Variants in DSE observed in about 807,000 individuals in gnomAD.
DSE encodes dermatan sulfate epimerase, also known as dermatan-sulfate epimerase.
In DSE, 36 loss-of-function variants were observed where a neutral mutation model predicts 84.4. That is an observed-to-expected ratio of 0.43 (90% CI 0.33 to 0.56). The LOEUF is 0.56. Ranked by LOEUF, DSE falls within the 20% of genes least tolerant of loss-of-function variation. DSE has a pLI of 0.06. For missense variants in DSE, 862 were observed against 1,169.6 expected, an observed-to-expected ratio of 0.74 and a Z score of 3.84; for synonymous variants, 410 against 430.1, an observed-to-expected ratio of 0.95 and a Z score of 0.58.
intron 2 of DSE, among the ~76,000 whole-genome samples, chr6:116,363,995 G>A (rs1779039198): frequency 6.6e-6 from 1 of 152,202 alleles, no homozygotes; most frequent in Non-Finnish European, 1.5e-5. Context: ...CAGGAGGCTT[G>A]ACTTCTCCTT....
Position 116,321,909 on chromosome 6 carries a change from G to T in DSE, c.-54+62942G>T, listed in dbSNP as rs140705601. On this transcript the variant is annotated intron_variant, in intron 2 of 3. Transcript: ENST00000430252. ...TCTAGTACCTGACAATCAACATGCC[G>T]CAATTTTTTCACATGATAGTGTAGC... Among the ~76,000 whole-genome samples the T allele has an allele frequency of 7.0e-3, 1,066 of 152,108 alleles. 22 individuals carry two copies. Among genetic ancestry groups the T allele is most frequent in the South Asian group, 0.056 (271 of 4,814 alleles).
At chr6:116,264,458 T>G (rs180846472) in intron 2 of DSE, among the ~76,000 whole-genome samples, 1 of 152,290 alleles carries the variant, frequency 6.6e-6, no homozygotes, top group East Asian at 1.9e-4. Flanking sequence ...CTATACTGGC[T>G]ATTTTGTCTG....
intron 1 of DSE, among the ~76,000 whole-genome samples, chr6:116,383,004 G>C (rs968100177): frequency 1.3e-5 from 2 of 152,174 alleles, no homozygotes; most frequent in Non-Finnish European, 2.9e-5. Context: ...CTCAGGAATT[G>C]AAGAGGCTGC....
intron 2 of DSE, among the ~76,000 whole-genome samples, chr6:116,266,772 T>G (rs1290450233): frequency 6.6e-6 from 1 of 152,230 alleles, no homozygotes; most frequent in Non-Finnish European, 1.5e-5. Context: ...TAGTGTTAAC[T>G]AATGGCTTAT....
rs1198801557 is a variant in DSE, at chr6:116,433,381, A to C, written c.949A>C (p.Asn317His). 1 of 1,551,652 alleles carries C rather than the reference A, an allele frequency of 6.4e-7. No individual in the cohort carries two copies. The highest frequency in any genetic ancestry group is 2.0e-5 in the Admixed American group (1 of 50,998). Reference protein sequence around the residue: ...RTVAIADSNYNWFYGPESQLV... With the variant: ...RTVAIADSNYHWFYGPESQLV... ...TGTGGCTATTGCGGACTCAAATTAC[A>C]ACTGGTTTTATGGTCCAGAAAGCCA... The change falls in exon 5 of 6, where the codon AAC (asparagine) becomes CAC (histidine). Residue 317 changes from asparagine (N) to histidine (H), a missense_variant. Physicochemically the swap from Asn to His is moderately conservative, Grantham distance 68 (BLOSUM62 1). This residue lies in a region of DSE where 309 missense variants were observed against 516.9 expected (regional missense o/e 0.60). Transcript: ENST00000644252.
At chr6:116,307,578 GATTA>G (rs1206908462) in intron 2 of DSE, among the ~76,000 whole-genome samples, 1 of 152,156 alleles carries the variant, frequency 6.6e-6, no homozygotes, top group African/African-American at 2.4e-5. Context: ...AATAAATTAT[GATTA>G]ATTCTTTCTC....
intron 2 of DSE, among the ~76,000 whole-genome samples, chr6:116,362,779 C>T (rs1486862669): frequency 6.6e-6 from 1 of 152,162 alleles, no homozygotes; most frequent in African/African-American, 2.4e-5. Flanking sequence ...CCAGAAATTT[C>T]GCTTTAATTT....
At chr6:116,421,754 C>A (rs114505987) in intron 2 of DSE, among the ~76,000 whole-genome samples, 2,058 of 151,946 alleles carry the variant, frequency 0.014, 44 homozygotes, top group African/African-American at 0.047. Flanking sequence ...AGCCACTGTA[C>A]CCAGCCAAAC....
intron 2 of DSE, among the ~76,000 whole-genome samples, chr6:116,306,110 T>C (rs562564746): frequency 2.0e-5 from 3 of 152,330 alleles, no homozygotes; most frequent in African/African-American, 4.8e-5. Context: ...ATAAATGATA[T>C]ATGCATATAT....
chr6:116,325,582 G>A (rs1338109611), intron 2 of DSE, among the ~76,000 whole-genome samples: 1 of 152,088 alleles, frequency 6.6e-6, no homozygotes, highest in Non-Finnish European at 1.5e-5. Flanking sequence ...GTGTTCTCCT[G>A]CCAAGTTAAG....
intron 4 of DSE, 75 bp from the exon 5 acceptor site, chr6:116,433,268 A>G (rs990491130): frequency 5.7e-6 from 8 of 1,397,392 alleles, no homozygotes; most frequent in Non-Finnish European, 7.8e-6. Context: ...CTAGATTTGA[A>G]AAGTCATTGT....
intron 2 of DSE, chr6:116,279,878 A>T (rs1773402182): frequency 1.2e-6 from 2 of 1,612,896 alleles, no homozygotes; most frequent in Non-Finnish European, 1.7e-6. Context: ...TTTTCCTCAG[A>T]GGCCGAACTG....
intron 1 of DSE, among the ~76,000 whole-genome samples, chr6:116,384,404 G>T (rs1780444590): frequency 1.3e-5 from 2 of 151,986 alleles, no homozygotes; most frequent in South Asian, 4.1e-4. Flanking sequence ...TGTTAGTTAG[G>T]CATGCTAATA....
At chr6:116,288,060 C>G (rs916150870) in intron 2 of DSE, 6 of 151,974 alleles carry the variant, frequency 3.9e-5, no homozygotes, top group African/African-American at 1.4e-4. Flanking sequence ...TATGATGGCT[C>G]CAATACTCAA....
intron 5 of DSE, 50 bp downstream of exon 5, chr6:116,433,600 A>G: frequency 1.3e-6 from 2 of 1,546,350 alleles, no homozygotes; most frequent in Non-Finnish European, 8.8e-7. Context: ...CAAGGGTACT[A>G]TTCATGCTAT....
At chr6:116,386,561 G>A (rs1195605310) in intron 1 of DSE, among the ~76,000 whole-genome samples, 3 of 152,206 alleles carry the variant, frequency 2.0e-5, no homozygotes, top group Admixed American at 1.3e-4. Flanking sequence ...GCAAAGCGTT[G>A]CTAGCCAGGG....
Position 116,437,958 on chromosome 6 carries a change from A to C in DSE, c.*613A>C, listed in dbSNP as rs1420411934. The C allele has an allele frequency of 6.6e-6, 1 of 152,330 alleles. No individual in the cohort carries two copies. Among genetic ancestry groups the C allele is most frequent in the Non-Finnish European group, 1.5e-5 (1 of 68,004 alleles). The allele number at this position is 152,330 out of a possible 1,614,324, so 9.4% of individuals were successfully genotyped here. On this transcript the variant is annotated 3_prime_UTR_variant, in exon 6 of 6. Transcript: ENST00000644252. ...CAGAAGATCATTAAAAACTTAAAAT[A>C]TATTTTATTAGAAAACATTTATCTA...
chr6:116,257,654 T>C (rs1432613423), intron 1 of DSE, among the ~76,000 whole-genome samples: 1 of 152,146 alleles, frequency 6.6e-6, no homozygotes, highest in Non-Finnish European at 1.5e-5. Context: ...GACTGTAGTT[T>C]GTTGTTTTTT....
At chr6:116,341,877 C>A (rs1248079806) in intron 2 of DSE, among the ~76,000 whole-genome samples, 1 of 152,170 alleles carries the variant, frequency 6.6e-6, no homozygotes, top group Non-Finnish European at 1.5e-5. Context: ...CAGTACCATG[C>A]TGTTTTGGTT....
Sources: allele counts gnomAD v4.1 joint callset (sites outside exome capture counted in the v4.1 genomes callset), GRCh38; gene constraint gnomAD v4.1.1; regional missense constraint gnomAD v4.1.1; transcripts MANE v1.5; gene names NCBI Gene and HGNC (gene_info 2026-07-23, HGNC 2026-07-21).